RPL18A: variants seen among roughly 807,000 people sequenced by gnomAD.
RPL18A encodes the protein large ribosomal subunit protein eL20.
For missense variants in RPL18A, 163 were observed against 254.1 expected, an observed-to-expected ratio of 0.64 and a Z score of 2.44; for synonymous variants, 122 against 96.9, an observed-to-expected ratio of 1.26 and a Z score of -1.52.
At chr19:17,861,588 C>G in intron 2 of RPL18A, 116 bp downstream of exon 2, 2 of 780,532 alleles carry the variant, frequency 2.6e-6, no homozygotes, top group Admixed American at 5.5e-5. Context: ...CGCCTGTAAT[C>G]CCATCACATC....
At chr19:17,861,847 C>T (rs2094277954) in intron 2 of RPL18A, 2 of 565,678 alleles carry the variant, frequency 3.5e-6, no homozygotes, top group Non-Finnish European at 3.1e-6. Context: ...GGAACTGCAT[C>T]TGGGGCTGGG....
At position 17,863,012 on chromosome 19, in the gene RPL18A, T is replaced by A; in HGVS notation, c.423T>A (p.Ala141=). The change falls in exon 4 of 5, where the codon GCT becomes GCA. Residue 141 remains alanine (A), a synonymous_variant. Coordinates refer to ENST00000222247, the MANE Select transcript of RPL18A (RefSeq NM_000980.4). ...CGGCCAGCAAGTGCCGCCGGCCGGC[T>A]GTCAAGCAGTTCCACGTGAGTGCCC... The part of the protein sequence containing the change: ...EIAASKCRRP[A]VKQFHDSKIK... The A allele has an allele frequency of 6.2e-7, 1 of 1,611,702 alleles. No individual in the cohort carries two copies. Among genetic ancestry groups the A allele is most frequent in the Non-Finnish European group, 8.5e-7 (1 of 1,178,538 alleles).
chr19:17,862,665 C>T lies in RPL18A; in HGVS notation c.329-253C>T, dbSNP rs773542416. On this transcript the variant is annotated intron_variant, in intron 3 of 4. Transcript: ENST00000222247. ...GGTGCAAACAGCAAGCGGATCTTGT[C>T]GCCTTTGGGGGGCTGTGGCCGTGCC... 18 of 748,816 alleles carry T rather than the reference C, an allele frequency of 2.4e-5. No individual in the cohort carries two copies. In the African/African-American group the frequency reaches 2.7e-4, roughly 11 times the overall value. 46.4% of individuals were successfully genotyped at this position (748,816 alleles called of 1,614,324 possible).
intron 2 of RPL18A, 69 bp downstream of exon 2, chr19:17,861,541 A>G (rs2094277319): frequency 8.1e-7 from 1 of 1,238,474 alleles, no homozygotes. Context: ...GTGCATCTCA[A>G]GAATTAATCA....
chr19:17,862,783 C>A, intron 3 of RPL18A, 135 bp from the exon 4 acceptor site: 1 of 762,374 alleles, frequency 1.3e-6, no homozygotes, highest in Non-Finnish European at 2.4e-6. Context: ...CCACCACCTT[C>A]CCGTGAGCCC....
chr19:17,861,079 T>TC (rs1801762625), intron 1 of RPL18A: 2 of 581,044 alleles, frequency 3.4e-6, no homozygotes, highest in Non-Finnish European at 6.1e-6. Context: ...CAATTAATCC[T>TC]CCCTGGAGAC....
chr19:17,862,336 G>A (rs2045814052), intron 3 of RPL18A, 113 bp downstream of exon 3: 2 of 1,325,236 alleles, frequency 1.5e-6, no homozygotes. Flanking sequence ...CTGGTGGCGG[G>A]GCACAGGAAG....
Position 17,859,939 on chromosome 19 carries a change from G to T in RPL18A, c.-18G>T, listed in dbSNP as rs974569187. ...GACACTTCCTTTTGCGGGTGGCGGC[G>T]AACGCGGAGAGCACGCCATGAAGGC... is the stretch of plus-strand genomic sequence containing the variant. On this transcript the variant is annotated 5_prime_UTR_variant, in exon 1 of 5. Coordinates refer to ENST00000222247, the MANE Select transcript of RPL18A (RefSeq NM_000980.4). 1.9e-6 allele frequency: 3 copies of T among 1,543,162 alleles called. No homozygotes were observed. The highest frequency in any genetic ancestry group is 2.5e-5 in the East Asian group (1 of 39,320).
Position 17,862,374 on chromosome 19 carries a change from G to A in RPL18A, c.328+151G>A, listed in dbSNP as rs895707701. 1.1e-5 allele frequency: 10 copies of A among 952,102 alleles called. No homozygotes were observed. In the Admixed American group the frequency reaches 2.0e-4, roughly 19 times the overall value. The allele number at this position is 952,102 out of a possible 1,614,324, so 59.0% of individuals were successfully genotyped here. On this transcript the variant is annotated intron_variant, in intron 3 of 4. Transcript: ENST00000222247. ...AAAAGGATGCCCCAGGCCCCAGATG[G>A]CGCTTTTCTGAGAGCCCTGCCAGGC...
At chr19:17,861,233 G>A in intron 1 of RPL18A, 60 bp from the exon 2 acceptor site, 3 of 1,497,150 alleles carry the variant, frequency 2.0e-6, no homozygotes, top group Non-Finnish European at 2.8e-6. Flanking sequence ...AAGGGAGTGA[G>A]GTGGATCTCC....
intron 1 of RPL18A, 122 bp from the exon 2 acceptor site, chr19:17,861,171 C>T: frequency 2.5e-6 from 2 of 803,112 alleles, no homozygotes; most frequent in South Asian, 1.6e-5. Context: ...CATGGAGGCC[C>T]TAGGGTGGCC....
chr19:17,863,145 C>T (rs773926488), intron 4 of RPL18A, 26 bp from the exon 5 acceptor site: 25 of 1,596,308 alleles, frequency 1.6e-5, no homozygotes, highest in Non-Finnish European at 2.0e-5. Flanking sequence ...CTTCCAACCC[C>T]CTCAACATGC....
intron 1 of RPL18A, chr19:17,860,895 T>C (rs921413104): frequency 7.0e-5 from 15 of 214,488 alleles, no homozygotes; most frequent in Admixed American, 6.3e-4. Flanking sequence ...TGCTGGTCAC[T>C]GGGCCTCAGG....
intron 2 of RPL18A, 108 bp downstream of exon 2, chr19:17,861,580 C>T: frequency 3.6e-6 from 3 of 838,526 alleles, no homozygotes; most frequent in Non-Finnish European, 3.7e-6. Context: ...TAGCTCAACG[C>T]CTGTAATCCC....
intron 3 of RPL18A, 25 bp downstream of exon 3, chr19:17,862,248 CTT>C: frequency 6.2e-7 from 1 of 1,610,900 alleles, no homozygotes. Flanking sequence ...CCGCCTCCAG[CTT>C]TTTAGACCCT....
At position 17,862,900 on chromosome 19, in the gene RPL18A, C is replaced by T. The variant is rs544331934; in HGVS notation, c.329-18C>T. The T allele has an allele frequency of 5.1e-6, 8 of 1,573,522 alleles. No individual in the cohort carries two copies. The highest frequency in any genetic ancestry group is 5.0e-5 in the Admixed American group (3 of 59,816). ...AGCCCAGGCAACACCGTCACCCTGG[C>T]CCCGCTCCTTTCCACAGACCGAGAC... On this transcript the variant is annotated intron_variant, in intron 3 of 4. Coordinates refer to ENST00000222247, the MANE Select transcript of RPL18A (RefSeq NM_000980.4).
At chr19:17,861,958 A>G in intron 2 of RPL18A, 136 bp from the exon 3 acceptor site, 1 of 1,030,972 alleles carries the variant, frequency 9.7e-7, no homozygotes, top group East Asian at 2.7e-5. Context: ...GGGCTGGGAA[A>G]CTGAGGCACA....
rs910934484 is a variant in RPL18A, at chr19:17,862,021, G to A, written c.199-73G>A. The A allele has an allele frequency of 2.6e-6, 4 of 1,551,348 alleles. No individual in the cohort carries two copies. The African/African-American group carries it at 4.1e-5, about 16-fold the overall frequency. On this transcript the variant is annotated intron_variant, in intron 2 of 4. Transcript: ENST00000222247. ...GCCTGGGGTGTGCTTTAGAGGCAGA[G>A]GGTTCAGTGAGGATGGGGCTAGGGC...
rs774198461 is a variant in RPL18A, at chr19:17,862,115, C to T, written c.220C>T (p.Arg74Trp). Residue 74 changes from arginine (R) to tryptophan (W), a missense_variant, in exon 3 of 5, where the codon CGG becomes TGG. Coordinates refer to ENST00000222247, the MANE Select transcript of RPL18A (RefSeq NM_000980.4). ...GCAGGTGTTTGAGAAGTCCCCCCTG[C>T]GGGTGAAGAACTTCGGGATCTGGCT... ...CGQVFEKSPL[R>W]VKNFGIWLRY... 9.3e-6 allele frequency: 15 copies of T among 1,611,952 alleles called. No homozygotes were observed. Among genetic ancestry groups the T allele is most frequent in the African/African-American group, 5.3e-5 (4 of 74,832 alleles).
Sources: allele counts gnomAD v4.1 joint callset, GRCh38; gene constraint gnomAD v4.1.1; transcripts MANE v1.5; gene names NCBI Gene and HGNC (gene_info 2026-07-23, HGNC 2026-07-21).